The following KAZN variants were observed in gnomAD, a reference collection of about 807,000 sequenced individuals.
The protein encoded by KAZN is kazrin.
Under a neutral mutation model 87.4 loss-of-function variants are expected in KAZN, and 40 were observed. That is an observed-to-expected ratio of 0.46 (90% CI 0.36 to 0.60). The LOEUF (loss-of-function observed/expected upper bound fraction) is 0.60, where lower values mean the gene tolerates loss of function less well. Ranked by LOEUF, KAZN falls within the 20% of genes least tolerant of loss-of-function variation. KAZN has a pLI of 0.00. For synonymous variants in KAZN, 466 were observed against 458.3 expected, an observed-to-expected ratio of 1.02 and a Z score of -0.22; for missense variants, 898 against 1,073.9, an observed-to-expected ratio of 0.84 and a Z score of 2.29.
intron 1 of KAZN, among the ~76,000 whole-genome samples, chr1:14,044,104 A>G (rs750731090): frequency 5.4e-5 from 8 of 146,906 alleles, no homozygotes; most frequent in Admixed American, 4.1e-4. Context: ...GTGCTTCTCC[A>G]TGTGATCTCT....
intron 2 of KAZN, among the ~76,000 whole-genome samples, chr1:14,363,910 T>G (rs1157348588): frequency 6.6e-6 from 1 of 152,084 alleles, no homozygotes; most frequent in Non-Finnish European, 1.5e-5. Flanking sequence ...ATTTTGCGTG[T>G]ATGTGTGTAT....
At chr1:14,057,410 G>A (rs1385745187) in intron 1 of KAZN, among the ~76,000 whole-genome samples, 2 of 152,212 alleles carry the variant, frequency 1.3e-5, no homozygotes, top group African/African-American at 4.8e-5. Flanking sequence ...TGGGATTATA[G>A]GCGTGAGCCA....
chr1:14,167,914 G>T (rs571926617), intron 1 of KAZN, among the ~76,000 whole-genome samples: 2 of 152,300 alleles, frequency 1.3e-5, no homozygotes, highest in African/African-American at 4.8e-5. Context: ...GGTCTGAACT[G>T]CACTCAGCCA....
At chr1:15,106,124 T>TA (rs141680303) in intron 13 of KAZN, among the ~76,000 whole-genome samples, 2 of 151,850 alleles carry the variant, frequency 1.3e-5, no homozygotes, top group Non-Finnish European at 2.9e-5. Flanking sequence ...TACTAAAAAT[T>TA]AAAAAAATTC....
At chr1:14,532,606 C>A (rs1172045533) in intron 2 of KAZN, among the ~76,000 whole-genome samples, 2 of 138,426 alleles carry the variant, frequency 1.4e-5, no homozygotes, top group Non-Finnish European at 3.1e-5. Context: ...TCTCCTAATG[C>A]TATCCCTCCC....
chr1:15,045,520 C>T (rs1673383117), intron 4 of KAZN, among the ~76,000 whole-genome samples: 1 of 152,206 alleles, frequency 6.6e-6, no homozygotes, highest in African/African-American at 2.4e-5. Context: ...TCTAGTAGCC[C>T]ACTGTTAACC....
intron 1 of KAZN, among the ~76,000 whole-genome samples, chr1:14,608,124 C>T (rs1179414909): frequency 6.6e-6 from 1 of 152,206 alleles, no homozygotes; most frequent in South Asian, 2.1e-4. Flanking sequence ...CTGCTCGCTT[C>T]GTTAAGACGA....
intron 10 of KAZN, among the ~76,000 whole-genome samples, chr1:15,095,299 A>G (rs779274373): frequency 1.3e-5 from 2 of 151,788 alleles, no homozygotes; most frequent in Non-Finnish European, 2.9e-5. Flanking sequence ...TTCTTACCAT[A>G]CATAACAGGG....
rs147080082 is a variant in KAZN at position 14,722,442 on chromosome 1, A to G, written c.226+123219A>G. ...ATTCAATTTAAAACCCAGAAGAAGA[A>G]CATCATTCAGGGTCAAGGTTTGTTT... On this transcript the variant is annotated intron_variant, in intron 1 of 14. Transcript: ENST00000376030. Among the ~76,000 whole-genome samples, 104 of 152,310 alleles carry G rather than the reference A, an allele frequency of 6.8e-4. 2 individuals carry two copies. The East Asian group carries it at 0.018, about 27-fold the overall frequency.
chr1:14,546,940 T>TC (rs1673184507), intron 2 of KAZN, among the ~76,000 whole-genome samples: 1 of 152,146 alleles, frequency 6.6e-6, no homozygotes, highest in African/African-American at 2.4e-5. Flanking sequence ...TCTTGTCCAG[T>TC]CCCCTTCCTG....
At chr1:14,148,385 G>A (rs1288108853) in intron 1 of KAZN, among the ~76,000 whole-genome samples, 1 of 151,722 alleles carries the variant, frequency 6.6e-6, no homozygotes, top group Admixed American at 6.6e-5. Context: ...TGTTTTACTT[G>A]CCGGATGATA....
chr1:14,758,104 T>C (rs939095605), intron 1 of KAZN, among the ~76,000 whole-genome samples: 2 of 130,166 alleles, frequency 1.5e-5, no homozygotes, highest in Non-Finnish European at 3.3e-5. Flanking sequence ...TTTGTTTGTT[T>C]CTTTGTTTTG....
At chr1:14,318,541 T>C (rs1571292916) in intron 2 of KAZN, among the ~76,000 whole-genome samples, 2 of 152,108 alleles carry the variant, frequency 1.3e-5, no homozygotes. Context: ...GTTTTCTTTG[T>C]GTTTTTGCTG....
At chr1:14,443,281 G>A (rs1666797355) in intron 2 of KAZN, among the ~76,000 whole-genome samples, 1 of 152,228 alleles carries the variant, frequency 6.6e-6, no homozygotes, top group South Asian at 2.1e-4. Context: ...AGGGATTTCT[G>A]CACCATGAGA....
At chr1:14,323,949 T>C (rs1656225248) in intron 2 of KAZN, among the ~76,000 whole-genome samples, 1 of 152,216 alleles carries the variant, frequency 6.6e-6, no homozygotes, top group African/African-American at 2.4e-5. Context: ...AGTACTTGGA[T>C]TCATGAGGCT....
At chr1:14,499,917 G>A (rs958155983) in intron 2 of KAZN, among the ~76,000 whole-genome samples, 8 of 152,112 alleles carry the variant, frequency 5.3e-5, no homozygotes, top group Non-Finnish European at 1.0e-4. Context: ...TCCAGCAGGC[G>A]CAGTAGCAGA....
intron 2 of KAZN, among the ~76,000 whole-genome samples, chr1:14,312,102 G>A (rs1655345132): frequency 6.6e-6 from 1 of 151,818 alleles, no homozygotes. Flanking sequence ...AGAAATAAGA[G>A]GGGAAAGCCA....
intron 1 of KAZN, among the ~76,000 whole-genome samples, chr1:14,008,283 A>G (rs1487427270): frequency 6.6e-6 from 1 of 152,138 alleles, no homozygotes. Context: ...TAGCTTCCAC[A>G]TGACTTCTCG....
intron 1 of KAZN, among the ~76,000 whole-genome samples, chr1:14,802,068 G>A (rs770115046): frequency 4.0e-5 from 6 of 151,878 alleles, no homozygotes; most frequent in Admixed American, 6.5e-5. Context: ...GAATGATCTC[G>A]TCCAGAAAGC....
Sources: allele counts gnomAD v4.1 joint callset (sites outside exome capture counted in the v4.1 genomes callset), GRCh38; gene constraint gnomAD v4.1.1; transcripts MANE v1.5; gene names NCBI Gene and HGNC (gene_info 2026-07-23, HGNC 2026-07-21).